PHACTR1: variants seen among roughly 807,000 people sequenced by gnomAD.
The protein encoded by PHACTR1 is phosphatase and actin regulator 1.
PHACTR1 carries 16 observed loss-of-function variants against 69.2 expected under a neutral mutation model. The ratio of observed to expected loss-of-function variants is 0.23; its 90% CI spans 0.16 to 0.35. The LOEUF (loss-of-function observed/expected upper bound fraction) is 0.35. Among genes scored for constraint, PHACTR1 ranks in the 10% least tolerant of loss-of-function variants. PHACTR1 has a pLI of 1.00. For synonymous variants in PHACTR1, 312 were observed against 284.5 expected (o/e 1.10, Z -0.97); for missense variants, 510 against 734.7 (o/e 0.69, Z 3.54).
chr6:13,051,342 C>T (rs1805912672), intron 4 of PHACTR1, among the ~76,000 whole-genome samples: 1 of 152,182 alleles, frequency 6.6e-6, no homozygotes, highest in South Asian at 2.1e-4. Flanking sequence ...GCATACAATA[C>T]ATTTTGGTTG....
At chr6:12,905,514 C>T (rs1009995569) in intron 4 of PHACTR1, among the ~76,000 whole-genome samples, 2 of 152,134 alleles carry the variant, frequency 1.3e-5, no homozygotes, top group African/African-American at 4.8e-5. Flanking sequence ...CTGAGGGTGA[C>T]ACGGTCTTTG....
chr6:12,887,543 A>T (rs568467364), intron 4 of PHACTR1, among the ~76,000 whole-genome samples: 94 of 152,280 alleles, frequency 6.2e-4, no homozygotes, highest in African/African-American at 2.2e-3. Context: ...TCTCAGTCAG[A>T]AAAGCTGGAA....
intron 4 of PHACTR1, among the ~76,000 whole-genome samples, chr6:12,867,395 A>AATT (rs1781567447): frequency 2.6e-5 from 4 of 152,256 alleles, no homozygotes; most frequent in Admixed American, 2.0e-4. Context: ...TACATAATGT[A>AATT]CAAGTTATTC....
intron 4 of PHACTR1, among the ~76,000 whole-genome samples, chr6:12,942,118 C>A (rs1790119883): frequency 6.6e-6 from 1 of 152,118 alleles, no homozygotes; most frequent in Admixed American, 6.5e-5. Flanking sequence ...GTTTCCAATG[C>A]CACATCCCAT....
rs191330211 is a variant in PHACTR1, at chr6:12,814,169, C to T, written c.250+64379C>T. 7.2e-5 allele frequency among the ~76,000 whole-genome samples: 11 copies of T among 152,280 alleles called. No homozygotes were observed. In the East Asian group the frequency reaches 2.1e-3, roughly 29 times the overall value. ...TTTCTAGTGCATGTTTCCTGTTTGGCCCCATGATCTGACCTCCAGCCCATT... is the reference window on the plus strand; with the variant it reads ...TTTCTAGTGCATGTTTCCTGTTTGGTCCCATGATCTGACCTCCAGCCCATT... On this transcript the variant is annotated intron_variant, in intron 4 of 14. Transcript: ENST00000332995.
intron 4 of PHACTR1, among the ~76,000 whole-genome samples, chr6:12,782,923 A>AG (rs1359292181): frequency 6.6e-6 from 1 of 152,260 alleles, no homozygotes; most frequent in Non-Finnish European, 1.5e-5. Context: ...GGGCAAAAAA[A>AG]GGATAAATAT....
Position 12,957,917 on chromosome 6 carries a change from A to C in PHACTR1, c.251-95448A>C, listed in dbSNP as rs565172417. On this transcript the variant is annotated intron_variant, in intron 4 of 14. Coordinates refer to ENST00000332995, the MANE Select transcript of PHACTR1 (RefSeq NM_030948.6). ...GGGCGTGTGTAGCATGTGTATTTTCAGAGCCCGACACTTGAGGAGACTGTT... is the reference window on the plus strand; with the variant it reads ...GGGCGTGTGTAGCATGTGTATTTTCCGAGCCCGACACTTGAGGAGACTGTT... 151 of 985,290 alleles carry C rather than the reference A, an allele frequency of 1.5e-4. No homozygotes were observed. In the African/African-American group the frequency reaches 2.5e-3, roughly 17 times the overall value. The allele number at this position is 985,290 out of a possible 1,614,324, so 61.0% of individuals were successfully genotyped here. A position where few individuals can be genotyped will look rare whatever the true frequency, so the allele number is the denominator to read the frequency against.
intron 8 of PHACTR1, among the ~76,000 whole-genome samples, chr6:13,213,382 A>G (rs987211876): frequency 1.3e-5 from 2 of 152,166 alleles, no homozygotes; most frequent in Non-Finnish European, 2.9e-5. Context: ...GTTCTTCAAG[A>G]CATTAAAATA....
At chr6:13,034,236 C>T (rs1367918984) in intron 4 of PHACTR1, among the ~76,000 whole-genome samples, 2 of 152,084 alleles carry the variant, frequency 1.3e-5, no homozygotes, top group Non-Finnish European at 2.9e-5. Context: ...CCAGGATGAT[C>T]TCGATCTCCT....
intron 8 of PHACTR1, among the ~76,000 whole-genome samples, chr6:13,211,212 C>T (rs1420854601): frequency 6.6e-6 from 1 of 152,012 alleles, no homozygotes; most frequent in Non-Finnish European, 1.5e-5. Context: ...TTTGGGTGCA[C>T]CCATCACCCG....
At chr6:12,838,609 G>T (rs1778395208) in intron 4 of PHACTR1, among the ~76,000 whole-genome samples, 2 of 152,302 alleles carry the variant, frequency 1.3e-5, no homozygotes, top group South Asian at 2.1e-4. Context: ...AGGCCCTCAT[G>T]TTCTCTTGTT....
intron 4 of PHACTR1, among the ~76,000 whole-genome samples, chr6:12,912,038 C>T (rs1786471091): frequency 6.6e-6 from 1 of 152,202 alleles, no homozygotes; most frequent in South Asian, 2.1e-4. Flanking sequence ...CGCTCTGTCA[C>T]CCAGGCTGGA....
intron 4 of PHACTR1, among the ~76,000 whole-genome samples, chr6:12,858,035 C>T (rs1044896317): frequency 1.3e-5 from 2 of 152,146 alleles, no homozygotes; most frequent in Non-Finnish European, 2.9e-5. Flanking sequence ...ATAGCCTGTT[C>T]TCGGTAAGTT....
intron 4 of PHACTR1, among the ~76,000 whole-genome samples, chr6:12,885,312 C>A (rs757570172): frequency 5.9e-5 from 9 of 152,220 alleles, no homozygotes; most frequent in Non-Finnish European, 8.8e-5. Flanking sequence ...CCTCAAGCAT[C>A]TGTCCACATC....
intron 4 of PHACTR1, among the ~76,000 whole-genome samples, chr6:13,032,466 A>G (rs968341847): frequency 1.3e-4 from 20 of 152,240 alleles, no homozygotes; most frequent in African/African-American, 4.8e-4. Context: ...ATGATTATGC[A>G]GTAGAATAAA....
At chr6:12,766,316 A>C (rs958005826) in intron 4 of PHACTR1, among the ~76,000 whole-genome samples, 4 of 152,202 alleles carry the variant, frequency 2.6e-5, no homozygotes, top group Admixed American at 2.6e-4. Flanking sequence ...AGATATTTAA[A>C]GAATTGAGCA....
At chr6:13,239,081 C>T (rs1217768306) in intron 10 of PHACTR1, among the ~76,000 whole-genome samples, 1 of 152,100 alleles carries the variant, frequency 6.6e-6, no homozygotes, top group African/African-American at 2.4e-5. Context: ...GCTTAGGGGG[C>T]ACAGGAGAGA....
chr6:12,934,027 C>G (rs1789174869), intron 4 of PHACTR1: 1 of 1,456,110 alleles, frequency 6.9e-7, no homozygotes, highest in African/African-American at 1.4e-5. Flanking sequence ...TCTGATGGTT[C>G]TGGAGTCTTG....
intron 4 of PHACTR1, among the ~76,000 whole-genome samples, chr6:12,983,094 G>A (rs926733162): frequency 2.6e-5 from 4 of 152,110 alleles, no homozygotes; most frequent in African/African-American, 9.7e-5. Context: ...CCCTTGATTT[G>A]TTTTTCTTGT....
Sources: allele counts gnomAD v4.1 joint callset (sites outside exome capture counted in the v4.1 genomes callset), GRCh38; gene constraint gnomAD v4.1.1; transcripts MANE v1.5; gene names NCBI Gene and HGNC (gene_info 2026-07-23, HGNC 2026-07-21).